LAMA1: variants seen among roughly 807,000 people sequenced by gnomAD.
The protein encoded by LAMA1 is laminin subunit alpha 1.
Under a neutral mutation model 348.7 loss-of-function variants are expected in LAMA1, and 219 were observed. That is an observed-to-expected ratio of 0.63 (90% CI 0.56 to 0.70). The LOEUF (loss-of-function observed/expected upper bound fraction) is 0.70, where lower values mean the gene tolerates loss of function less well. Among genes scored for constraint, LAMA1 ranks in the 30% least tolerant of loss-of-function variants. The pLI is 0.00. For synonymous variants in LAMA1, 1,487 were observed against 1,491.0 expected (o/e 1.00, Z 0.06); for missense variants, 3,744 against 3,888.0 (o/e 0.96, Z 0.99).
chr18:7,100,058 C>CAAAAAAAAAAAAA (rs3038921), intron 1 of LAMA1, among the ~76,000 whole-genome samples: 3 of 79,700 alleles, frequency 3.8e-5, no homozygotes, highest in Non-Finnish European at 7.3e-5. Flanking sequence ...GACTTTGTCT[C>CAAAAAAAAAAAAA]AAAAAAAAAA....
intron 3 of LAMA1, among the ~76,000 whole-genome samples, chr18:7,077,878 C>T (rs1158050354): frequency 2.6e-5 from 4 of 151,522 alleles, no homozygotes; most frequent in Admixed American, 6.6e-5. Context: ...CCTCTAATCC[C>T]GGCACTTTGG....
intron 3 of LAMA1, among the ~76,000 whole-genome samples, chr18:7,052,525 G>C (rs559782882): frequency 1.3e-5 from 2 of 151,076 alleles, no homozygotes; most frequent in African/African-American, 4.9e-5. Flanking sequence ...TCAGGAGTTC[G>C]AGACCAGCCT....
At chr18:6,962,773 T>C (rs769908779) in intron 51 of LAMA1, among the ~76,000 whole-genome samples, 1 of 152,200 alleles carries the variant, frequency 6.6e-6, no homozygotes, top group Non-Finnish European at 1.5e-5. Flanking sequence ...ACAAAGGAAG[T>C]CATTGGCTGT....
At position 7,037,758 on chromosome 18, in the gene LAMA1, A is replaced by T. The variant is rs1568041422; in HGVS notation, c.1564-7T>A. 6.2e-7 allele frequency: 1 copy of T among 1,614,056 alleles called. No homozygotes were observed. The highest frequency in any genetic ancestry group is 8.5e-7 in the Non-Finnish European group (1 of 1,179,958). On this transcript the variant is annotated splice_region_variant and splice_polypyrimidine_tract_variant and intron_variant, in intron 11 of 62. Coordinates refer to ENST00000389658, the MANE Select transcript of LAMA1 (RefSeq NM_005559.4). ...ACCCGGACATACTGTTTACCTTAAA[A>T]ACAAATTCAAGAATTTTGAAGTATG...
chr18:7,005,240 CT>C (rs1600387477), intron 29 of LAMA1, among the ~76,000 whole-genome samples: 1 of 152,170 alleles, frequency 6.6e-6, no homozygotes, highest in Admixed American at 6.5e-5. Flanking sequence ...GATCCCATCA[CT>C]TTTCATGAAT....
At chr18:7,058,170 G>A (rs528680681) in intron 3 of LAMA1, among the ~76,000 whole-genome samples, 1 of 152,052 alleles carries the variant, frequency 6.6e-6, no homozygotes, top group Non-Finnish European at 1.5e-5. Flanking sequence ...TATTCTGAGA[G>A]CTTAGTCATA....
chr18:7,016,756 C>A lies in LAMA1; in HGVS notation c.2809-85G>T, dbSNP rs972358358. 6 of 1,196,090 alleles carry A rather than the reference C, an allele frequency of 5.0e-6. No individual in the cohort carries two copies. The Admixed American group carries it at 1.3e-4, about 26-fold the overall frequency. 74.1% of individuals were successfully genotyped at this position (1,196,090 alleles called of 1,614,324 possible). ...ATATTAGTATGTTCCAGAACACACA[C>A]AGGGTATTTCATAGAATCATAAAGT... On this transcript the variant is annotated intron_variant, in intron 20 of 62. Transcript: ENST00000389658.
chr18:7,018,751 A>G (rs924837969), intron 19 of LAMA1, among the ~76,000 whole-genome samples: 2 of 152,166 alleles, frequency 1.3e-5, no homozygotes, highest in Non-Finnish European at 2.9e-5. Flanking sequence ...GTGTCATGAC[A>G]TAACAATGTA....
chr18:7,090,037 G>A (rs188940619), intron 1 of LAMA1, among the ~76,000 whole-genome samples: 1 of 152,272 alleles, frequency 6.6e-6, no homozygotes, highest in Admixed American at 6.5e-5. Context: ...CCACTTCTGA[G>A]CCATCAGCAA....
intron 3 of LAMA1, among the ~76,000 whole-genome samples, chr18:7,078,067 AAAAAAAAAAAAAAC>A (rs1248787364): frequency 2.0e-5 from 3 of 150,128 alleles, no homozygotes; most frequent in Admixed American, 6.6e-5. Flanking sequence ...TCCGTCTCAA[AAAAAAAAAAAAAAC>A]AAAAAACAAA....
At chr18:6,966,084 C>A in intron 49 of LAMA1, 63 bp downstream of exon 49, 2 of 1,576,644 alleles carry the variant, frequency 1.3e-6, no homozygotes, top group Non-Finnish European at 1.7e-6. Context: ...TAAACATAAA[C>A]AACCACATAG....
At chr18:7,069,509 C>T (rs1250172739) in intron 3 of LAMA1, among the ~76,000 whole-genome samples, 1 of 152,158 alleles carries the variant, frequency 6.6e-6, no homozygotes, top group Non-Finnish European at 1.5e-5. Flanking sequence ...GCTGGTCTAT[C>T]TTTCCCAAGT....
chr18:7,005,548 A>G (rs2057828303), intron 29 of LAMA1, among the ~76,000 whole-genome samples: 1 of 152,214 alleles, frequency 6.6e-6, no homozygotes, highest in Admixed American at 6.5e-5. Flanking sequence ...CAGGAGTTCG[A>G]AACCAGCCTG....
chr18:7,063,895 CTGTT>C (rs370569069), intron 3 of LAMA1, among the ~76,000 whole-genome samples: 45 of 152,084 alleles, frequency 3.0e-4, no homozygotes, highest in Admixed American at 4.6e-4. Context: ...TACAGAGTTT[CTGTT>C]TGGGAAGATG....
intron 1 of LAMA1, among the ~76,000 whole-genome samples, chr18:7,106,655 C>T (rs1242542118): frequency 4.6e-5 from 7 of 152,056 alleles, no homozygotes; most frequent in Middle Eastern, 3.4e-3. Flanking sequence ...CCACCGCGCC[C>T]GGCCAGAAGC....
intron 1 of LAMA1, among the ~76,000 whole-genome samples, chr18:7,107,931 G>C (rs183371716): frequency 6.7e-6 from 1 of 150,364 alleles, no homozygotes. Context: ...GGAGAATGGC[G>C]TGAATCTGGG....
Position 7,049,193 on chromosome 18 carries a change from A to G in LAMA1, c.653T>C (p.Phe218Ser), listed in dbSNP as rs145953998. 34 of 1,614,054 alleles carry G rather than the reference A, an allele frequency of 2.1e-5. No homozygotes were observed. The highest frequency in any genetic ancestry group is 2.9e-5 in the Non-Finnish European group (34 of 1,180,028). The change falls in exon 5 of 63, where the codon TTC becomes TCC. Residue 218 changes from phenylalanine to serine, a missense_variant. Coordinates refer to ENST00000389658, the MANE Select transcript of LAMA1 (RefSeq NM_005559.4). ...ADDLSPKLLE[F>S]TSARYIRLRL... ...AAGGCGAATATATCGTGCAGAAGTG[A>G]ATTCCAACAACTTGGGTGAAAGATC...
At position 6,961,757 on chromosome 18, in the gene LAMA1, G is replaced by C. The variant is rs748035893; in HGVS notation, c.7455C>G (p.Pro2485=). 4 of 1,614,150 alleles carry C rather than the reference G, an allele frequency of 2.5e-6. No individual in the cohort carries two copies. The South Asian group carries it at 4.4e-5, about 18-fold the overall frequency. Residue 2485 remains proline, a splice_region_variant and synonymous_variant, in exon 53 of 63, where the codon CCC becomes CCG. Transcript: ENST00000389658. ...CTTTCAGGAAGCTAACACTCCGGAT[G>C]GGCTGGACACAGAGGAGATGGAACA... is the stretch of plus-strand genomic sequence containing the variant. ...YGVRKGCLLE[P]IRSVSFLKGG...
At chr18:7,056,829 C>T (rs2058083929) in intron 3 of LAMA1, among the ~76,000 whole-genome samples, 1 of 152,038 alleles carries the variant, frequency 6.6e-6, no homozygotes. Flanking sequence ...CTTACTGTGG[C>T]CAGTACCAAT....
Sources: allele counts gnomAD v4.1 joint callset (sites outside exome capture counted in the v4.1 genomes callset), GRCh38; gene constraint gnomAD v4.1.1; transcripts MANE v1.5; gene names NCBI Gene and HGNC (gene_info 2026-07-23, HGNC 2026-07-21).